ZFHX3: variants seen among roughly 807,000 people sequenced by gnomAD.
ZFHX3 encodes zinc finger homeobox 3.
ZFHX3 carries 42 observed loss-of-function variants against 279.1 expected under a neutral mutation model. The observed-to-expected ratio is 0.15, with a 90% CI of 0.12 to 0.19. The LOEUF is 0.19. Among genes scored for constraint, ZFHX3 ranks in the 10% least tolerant of loss-of-function variants. The pLI, the probability that ZFHX3 is intolerant of heterozygous loss-of-function variation, is 1.00. For synonymous variants in ZFHX3, 2,293 were observed against 1,957.8 expected (o/e 1.17, Z -4.52); for missense variants, 4,981 against 4,754.0 (o/e 1.05, Z -1.40).
chr16:73,547,818 C>T (rs1246550524), intron 2 of ZFHX3, among the ~76,000 whole-genome samples: 2 of 152,220 alleles, frequency 1.3e-5, no homozygotes, highest in Non-Finnish European at 2.9e-5. Flanking sequence ...AAACCATATT[C>T]TTGTAGCTAC....
chr16:73,071,456 TCTGCTGCTG>T (rs749188404), intron 8 of ZFHX3, among the ~76,000 whole-genome samples: 9 of 150,590 alleles, frequency 6.0e-5, no homozygotes, highest in Non-Finnish European at 1.2e-4. Context: ...TGGTCTTTTC[TCTGCTGCTG>T]CTGCTGCTGC....
intron 8 of ZFHX3, among the ~76,000 whole-genome samples, chr16:73,083,035 A>T (rs1428736241): frequency 1.3e-5 from 2 of 151,386 alleles, no homozygotes; most frequent in African/African-American, 4.9e-5. Context: ...AAAAAAAAAA[A>T]AAAAAAAAAA....
At chr16:73,331,297 G>C (rs2015799322) in intron 3 of ZFHX3, among the ~76,000 whole-genome samples, 1 of 152,176 alleles carries the variant, frequency 6.6e-6, no homozygotes, top group Admixed American at 6.5e-5. Context: ...TGACATGTGG[G>C]AATTATGGGA....
At chr16:73,571,937 T>C (rs2051741613) in intron 2 of ZFHX3, among the ~76,000 whole-genome samples, 1 of 152,062 alleles carries the variant, frequency 6.6e-6, no homozygotes, top group Admixed American at 6.6e-5. Flanking sequence ...TAGTAAAAAT[T>C]AAATCAGTGA....
At chr16:73,649,799 C>T (rs2052653798) in intron 2 of ZFHX3, among the ~76,000 whole-genome samples, 1 of 152,068 alleles carries the variant, frequency 6.6e-6, no homozygotes, top group African/African-American at 2.4e-5. Context: ...CCTAATGGTA[C>T]TCAACATAGC....
chr16:73,125,675 A>C (rs932981449), intron 7 of ZFHX3, among the ~76,000 whole-genome samples: 2 of 152,016 alleles, frequency 1.3e-5, no homozygotes, highest in Admixed American at 1.3e-4. Context: ...CTGGACTCCA[A>C]ATTCTTCAGT....
intron 1 of ZFHX3, among the ~76,000 whole-genome samples, chr16:72,968,671 C>T (rs1336537348): frequency 6.6e-6 from 1 of 152,022 alleles, no homozygotes; most frequent in Non-Finnish European, 1.5e-5. Flanking sequence ...CCACACTGGC[C>T]AGGCTAGTTT....
intron 1 of ZFHX3, among the ~76,000 whole-genome samples, chr16:73,008,919 T>A (rs1339151347): frequency 6.6e-6 from 1 of 151,652 alleles, no homozygotes; most frequent in Non-Finnish European, 1.5e-5. Flanking sequence ...TACGTGTGTG[T>A]GTGTGTGTGT....
chr16:73,558,067 G>A (rs1020163618), intron 2 of ZFHX3, among the ~76,000 whole-genome samples: 12 of 152,214 alleles, frequency 7.9e-5, no homozygotes, highest in African/African-American at 2.9e-4. Context: ...AGAGTTAAAG[G>A]AAGAGAGAAC....
chr16:73,418,277 C>T (rs1359940464), intron 3 of ZFHX3, among the ~76,000 whole-genome samples: 1 of 152,234 alleles, frequency 6.6e-6, no homozygotes, highest in African/African-American at 2.4e-5. Context: ...TCATCAGTTG[C>T]AGCTGGTAGA....
At chr16:73,699,511 C>T (rs1383364) in intron 1 of ZFHX3, among the ~76,000 whole-genome samples, 126,151 of 152,116 alleles carry the variant, frequency 0.83, 54,431 homozygotes, top group Non-Finnish European at 0.95. Flanking sequence ...TTTTGTTACA[C>T]GACTTTAATT....
intron 8 of ZFHX3, among the ~76,000 whole-genome samples, chr16:73,075,464 C>G (rs1197133178): frequency 6.6e-6 from 1 of 152,082 alleles, no homozygotes; most frequent in African/African-American, 2.4e-5. Context: ...CCTAATACTT[C>G]TCTCTCTCAT....
intron 3 of ZFHX3, among the ~76,000 whole-genome samples, chr16:72,937,091 G>T (rs1960163511): frequency 6.6e-6 from 1 of 152,150 alleles, no homozygotes; most frequent in Admixed American, 6.5e-5. Context: ...GCATTTGGGG[G>T]TTCTGGTCAC....
rs926739962 is a variant in ZFHX3 at position 73,597,391 on chromosome 16, T to C, written c.-1547+82789A>G. Among the ~76,000 whole-genome samples the C allele has an allele frequency of 2.0e-5, 3 of 152,342 alleles. No homozygotes were observed. In the East Asian group the frequency reaches 5.8e-4, roughly 29 times the overall value. ...GGAGGGCAAGCTCCTCAAGGGCAGTTAGTGTATCTTTTTGAAAATCTGTGT... is the reference window on the plus strand; with the variant it reads ...GGAGGGCAAGCTCCTCAAGGGCAGTCAGTGTATCTTTTTGAAAATCTGTGT... On this transcript the variant is annotated intron_variant, in intron 2 of 17. Coordinates refer to the ZFHX3 transcript ENST00000641206.
At chr16:72,999,236 G>A (rs1264661021) in intron 1 of ZFHX3, among the ~76,000 whole-genome samples, 3 of 152,118 alleles carry the variant, frequency 2.0e-5, no homozygotes, top group Non-Finnish European at 2.9e-5. Context: ...TGCAACCTCC[G>A]CCTCTCAGGT....
At chr16:73,784,785 A>AT (rs1365394713) in intron 1 of ZFHX3, among the ~76,000 whole-genome samples, 103 of 96,424 alleles carry the variant, frequency 1.1e-3, no homozygotes, top group African/African-American at 7.1e-3. Flanking sequence ...TTTTAACAAA[A>AT]TAAAAAAAAA....
At chr16:73,729,364 TA>T (rs1233756659) in intron 1 of ZFHX3, among the ~76,000 whole-genome samples, 5 of 152,112 alleles carry the variant, frequency 3.3e-5, no homozygotes, top group Admixed American at 1.3e-4. Context: ...CTGCCTCCAC[TA>T]AAAACATACA....
chr16:72,871,988 G>A (rs1050492237), intron 4 of ZFHX3, among the ~76,000 whole-genome samples: 1 of 152,074 alleles, frequency 6.6e-6, no homozygotes. Context: ...GGGAGGCTGA[G>A]GCAGGAGAAT....
rs34508228 is a variant in ZFHX3, at chr16:72,971,878, ATTTTTTTTT to A, written c.-49-11693_-49-11685del. On this transcript the variant is annotated intron_variant, in intron 1 of 9. Transcript: ENST00000268489. The stretch of plus-strand genomic sequence containing the variant: ...CATTTCTTTTGTGAACTGCCTATTA[ATTTTTTTTT>A]TTTTTTTTTTTTTTTTGAGACGGAG... 5.9e-3 allele frequency among the ~76,000 whole-genome samples: 564 copies of A among 95,480 alleles called. 3 individuals carry two copies. Among genetic ancestry groups the A allele is most frequent in the Non-Finnish European group, 8.2e-3 (412 of 50,418 alleles). 62.6% of individuals were successfully genotyped at this position (95,480 alleles called of 152,430 possible). A position where few individuals can be genotyped will look rare whatever the true frequency, so the allele number is the denominator to read the frequency against.
Sources: gnomAD v4.1 joint callset for allele counts (sites outside exome capture counted in the v4.1 genomes callset) on GRCh38, gnomAD v4.1.1 for gene constraint, MANE v1.5 for transcripts, NCBI Gene and HGNC (gene_info 2026-07-23, HGNC 2026-07-21) for gene names.